The following DPH6 variants were observed in gnomAD, a reference collection of about 807,000 sequenced individuals.
DPH6 encodes the protein diphthamine biosynthesis 6.
Under a neutral mutation model 38.2 loss-of-function variants are expected in DPH6, and 33 were observed. The observed-to-expected ratio is 0.86, with a 90% CI of 0.65 to 1.15. The LOEUF (loss-of-function observed/expected upper bound fraction) is 1.15, where lower values mean the gene tolerates loss of function less well. Ranked by LOEUF, DPH6 falls within the 50% of genes most tolerant of loss-of-function variation. The pLI is 0.00. For synonymous variants in DPH6, 108 were observed against 103.0 expected, an observed-to-expected ratio of 1.05 and a Z score of -0.30; for missense variants, 325 against 320.0, an observed-to-expected ratio of 1.02 and a Z score of -0.12.
At chr15:35,401,339 G>A (rs2140977577) in intron 6 of DPH6, 1 of 768,276 alleles carries the variant, frequency 1.3e-6, no homozygotes. Context: ...GGCTTTGGTG[G>A]CAGCTGTGGT....
In DPH6 at chr15:35,343,932, A is replaced by G. The variant is rs185349222; in HGVS notation, n.208-12855T>C. On this transcript the variant is annotated intron_variant and non_coding_transcript_variant, in intron 3 of 3. Transcript: ENST00000558973. Reference sequence around the variant, plus strand: ...TAGGAAAAAAATGAGGAAGGCAGGAAGCTTTGCACAAAGGAGGCCACTCAA... The same window carrying G: ...TAGGAAAAAAATGAGGAAGGCAGGAGGCTTTGCACAAAGGAGGCCACTCAA... 1.7e-3 allele frequency among the ~76,000 whole-genome samples: 260 copies of G among 152,104 alleles called. 1 individual carries two copies. The highest frequency in any genetic ancestry group is 6.1e-3 in the African/African-American group (254 of 41,550).
chr15:35,351,753 ACTC>A (rs1470038934), intron 3 of DPH6, among the ~76,000 whole-genome samples: 1 of 146,812 alleles, frequency 6.8e-6, no homozygotes, highest in African/African-American at 2.5e-5. Flanking sequence ...ACAAGGTGTC[ACTC>A]TGTCACTCAG....
chr15:35,277,106 A>G (rs2051864394), intron 3 of DPH6, among the ~76,000 whole-genome samples: 1 of 152,092 alleles, frequency 6.6e-6, no homozygotes, highest in Non-Finnish European at 1.5e-5. Context: ...GATTTCTTTC[A>G]GCAGTGTTTT....
intron 3 of DPH6, among the ~76,000 whole-genome samples, chr15:35,535,899 G>A (rs2055161562): frequency 6.6e-6 from 1 of 152,038 alleles, no homozygotes; most frequent in Non-Finnish European, 1.5e-5. Flanking sequence ...TCAGAAATTA[G>A]TAAATTAAAC....
chr15:35,328,102 C>T (rs2052299557), downstream of DPH6, among the ~76,000 whole-genome samples: 1 of 152,020 alleles, frequency 6.6e-6, no homozygotes, highest in Non-Finnish European at 1.5e-5. Context: ...CGAAGTCAGG[C>T]AAACCTATAT....
At chr15:35,347,201 G>A (rs1240657890) in intron 3 of DPH6, among the ~76,000 whole-genome samples, 1 of 152,016 alleles carries the variant, frequency 6.6e-6, no homozygotes, top group Non-Finnish European at 1.5e-5. Flanking sequence ...CTAAGATTTT[G>A]ACTACTATAG....
chr15:35,376,089 G>C (rs79362533), intron 7 of DPH6, among the ~76,000 whole-genome samples: 3,846 of 152,126 alleles, frequency 0.025, 150 homozygotes, highest in African/African-American at 0.089. Context: ...CTTCAGTATT[G>C]CATTTATAGC....
At chr15:35,256,846 G>T (rs577183289) in intron 3 of DPH6, among the ~76,000 whole-genome samples, 1 of 152,348 alleles carries the variant, frequency 6.6e-6, no homozygotes, top group South Asian at 2.1e-4. Context: ...TATCTGGTAT[G>T]TGTGTAAGTG....
intron 3 of DPH6, among the ~76,000 whole-genome samples, chr15:35,470,291 C>G (rs2054181548): frequency 6.6e-6 from 1 of 152,016 alleles, no homozygotes; most frequent in Non-Finnish European, 1.5e-5. Context: ...AGGGCTATCA[C>G]AGACGCCAAG....
the DPH6 span, among the ~76,000 whole-genome samples, chr15:35,179,994 G>C: frequency 1.3e-5 from 2 of 152,184 alleles, no homozygotes; most frequent in East Asian, 3.9e-4. Flanking sequence ...TTTTGAGGAG[G>C]GGTGAGCTGA....
intron 3 of DPH6, among the ~76,000 whole-genome samples, chr15:35,256,258 C>T (rs1002751193): frequency 6.6e-6 from 1 of 152,024 alleles, no homozygotes; most frequent in Non-Finnish European, 1.5e-5. Context: ...ACGATCCTGG[C>T]CAGTTACCAT....
intron 3 of DPH6, among the ~76,000 whole-genome samples, chr15:35,306,633 T>A (rs1324112710): frequency 6.6e-6 from 1 of 152,254 alleles, no homozygotes; most frequent in Non-Finnish European, 1.5e-5. Context: ...TTGAATTTCA[T>A]GATTGATTGC....
At chr15:35,363,232 T>C (rs1195366880) in intron 3 of DPH6, among the ~76,000 whole-genome samples, 2 of 152,188 alleles carry the variant, frequency 1.3e-5, no homozygotes, top group Non-Finnish European at 2.9e-5. Flanking sequence ...GAAAGAAGCG[T>C]GCAAAAATCT....
chr15:35,168,069 A>G, the DPH6 span, among the ~76,000 whole-genome samples: 1 of 152,072 alleles, frequency 6.6e-6, no homozygotes, highest in African/African-American at 2.4e-5. Flanking sequence ...CTGAGACAAA[A>G]AAGACTTAAC....
At chr15:35,398,229 C>T (rs542376791) in intron 6 of DPH6, among the ~76,000 whole-genome samples, 5 of 152,250 alleles carry the variant, frequency 3.3e-5, no homozygotes, top group African/African-American at 1.2e-4. Flanking sequence ...TTTGTAATTT[C>T]CTGAGTGACA....
intron 3 of DPH6, chr15:35,522,392 A>C (rs2141239413): frequency 9.6e-7 from 1 of 1,040,032 alleles, no homozygotes; most frequent in South Asian, 1.7e-5. Context: ...CTGCTTATTC[A>C]GTATTAATAC....
At chr15:35,441,497 C>A (rs887774747) in intron 5 of DPH6, among the ~76,000 whole-genome samples, 2 of 152,156 alleles carry the variant, frequency 1.3e-5, no homozygotes, top group Non-Finnish European at 1.5e-5. Flanking sequence ...AGGATGAGTT[C>A]GTCGCCTTTG....
chr15:35,505,576 G>A (rs1354973652), intron 3 of DPH6, among the ~76,000 whole-genome samples: 4 of 151,830 alleles, frequency 2.6e-5, no homozygotes, highest in Non-Finnish European at 5.9e-5. Context: ...AATATGAGTG[G>A]CCTTGAGTGA....
chr15:35,370,455 T>C (rs2052701334), downstream of DPH6, among the ~76,000 whole-genome samples: 1 of 151,712 alleles, frequency 6.6e-6, no homozygotes, highest in South Asian at 2.1e-4. Context: ...TAAAGAACTG[T>C]TATCCAAAAT....
Sources: gnomAD v4.1 joint callset for allele counts (sites outside exome capture counted in the v4.1 genomes callset) on GRCh38, gnomAD v4.1.1 for gene constraint, MANE v1.5 for transcripts, NCBI Gene and HGNC (gene_info 2026-07-23, HGNC 2026-07-21) for gene names.